The following CACNA1G variants were observed in gnomAD, a reference collection of about 807,000 sequenced individuals.
CACNA1G encodes the protein calcium voltage-gated channel subunit alpha1 G.
Under a neutral mutation model 219.4 loss-of-function variants are expected in CACNA1G, and 67 were observed. That is an observed-to-expected ratio of 0.31 (90% CI 0.25 to 0.37). CACNA1G has a LOEUF of 0.37. Ranked by LOEUF, CACNA1G falls within the 10% of genes least tolerant of loss-of-function variation. CACNA1G has a pLI of 1.00. For synonymous variants in CACNA1G, 1,296 were observed against 1,345.3 expected, an observed-to-expected ratio of 0.96 and a Z score of 0.80; for missense variants, 2,380 against 3,231.4, an observed-to-expected ratio of 0.74 and a Z score of 6.39.
Position 50,578,054 on chromosome 17 carries a change from T to C in CACNA1G, c.1925-134T>C, listed in dbSNP as rs539224118. 436 of 1,043,692 alleles carry C rather than the reference T, an allele frequency of 4.2e-4. 3 individuals carry two copies. The African/African-American group carries it at 6.6e-3, about 16-fold the overall frequency. 64.7% of individuals were successfully genotyped at this position (1,043,692 alleles called of 1,614,324 possible). ...CACCTTGCCTGACATTCAGCACCCC[T>C]GGCCCACTAAGTGCCTAGCACCCCA... is the stretch of plus-strand genomic sequence containing the variant. On this transcript the variant is annotated intron_variant, in intron 8 of 37. Transcript: ENST00000359106. This position sits in a 1 kb window ranked among gnomAD's most constrained non-coding sequence, Gnocchi z 4.5.
intron 9 of CACNA1G, among the ~76,000 whole-genome samples, chr17:50,586,653 G>A (rs1037594949): frequency 2.0e-5 from 3 of 150,582 alleles, no homozygotes; most frequent in Non-Finnish European, 3.0e-5. Context: ...CCAGGAGGTA[G>A]TGTTACCCTG....
At chr17:50,574,961 A>C (rs1030031195) in intron 7 of CACNA1G, among the ~76,000 whole-genome samples, 1 of 152,234 alleles carries the variant, frequency 6.6e-6, no homozygotes, top group African/African-American at 2.4e-5. Flanking sequence ...GGGACAGACA[A>C]GGCCAATGGT....
intron 26 of CACNA1G, among the ~76,000 whole-genome samples, chr17:50,611,268 AAAAG>A (rs1189548071): frequency 6.6e-6 from 1 of 151,476 alleles, no homozygotes; most frequent in African/African-American, 2.4e-5. Context: ...AAAAAAAAAA[AAAAG>A]AGAGAGAGAG....
At position 50,561,663 on chromosome 17, in the gene CACNA1G, C is replaced by T; in HGVS notation, c.204C>T (p.Ser68=). The change falls in exon 1 of 38, where the codon AGC becomes AGT. Residue 68 remains serine, a synonymous_variant. Coordinates refer to ENST00000359106, the MANE Select transcript of CACNA1G (RefSeq NM_018896.5). The part of the protein sequence containing the change: ...PVVFFYLSQD[S]RPRSWCLRTV... ...TTTTCTTCTACTTGAGCCAGGACAG[C>T]CGCCCGCGGAGCTGGTGTCTCCGCA... The T allele has an allele frequency of 1.2e-6, 2 of 1,606,062 alleles. No homozygotes were observed. Among genetic ancestry groups the T allele is most frequent in the South Asian group, 1.1e-5 (1 of 90,640 alleles).
At chr17:50,610,664 CTA>C (rs2049007121) in intron 26 of CACNA1G, among the ~76,000 whole-genome samples, 1 of 152,120 alleles carries the variant, frequency 6.6e-6, no homozygotes, top group Admixed American at 6.5e-5. Context: ...CCTCATAACA[CTA>C]TGTCTCCAGC....
chr17:50,617,759 G>T lies in CACNA1G; in HGVS notation c.5156-100G>T, dbSNP rs2050883675. On this transcript the variant is annotated intron_variant, in intron 29 of 37. Coordinates refer to ENST00000359106, the MANE Select transcript of CACNA1G (RefSeq NM_018896.5). This position sits in a 1 kb window ranked among gnomAD's most constrained non-coding sequence, Gnocchi z 5.8. ...GATGCAACCTGGCTGGCCCGGAGAT[G>T]GCCATCCCAGCAGCCCCAGCCCAGC... is the stretch of plus-strand genomic sequence containing the variant. 1 of 1,458,342 alleles carries T rather than the reference G, an allele frequency of 6.9e-7. No homozygotes were observed. The highest frequency in any genetic ancestry group is 1.4e-5 in the African/African-American group (1 of 72,090). The allele number at this position is 1,458,342 out of a possible 1,614,324, so 90.3% of individuals were successfully genotyped here.
chr17:50,625,502 C>T (rs2053534652), intron 37 of CACNA1G, among the ~76,000 whole-genome samples: 1 of 152,234 alleles, frequency 6.6e-6, no homozygotes, highest in Admixed American at 6.5e-5. Context: ...TCACAGCTGC[C>T]AGACACCTAT....
rs897205456 is a variant in CACNA1G at position 50,560,848 on chromosome 17, A to G, written c.-612A>G. Among the ~76,000 whole-genome samples the G allele has an allele frequency of 1.9e-4, 28 of 150,504 alleles. No individual in the cohort carries two copies. Among genetic ancestry groups the G allele is most frequent in the African/African-American group, 6.6e-4 (27 of 40,768 alleles). On this transcript the variant is annotated 5_prime_UTR_variant, in exon 1 of 38. Coordinates refer to ENST00000359106, the MANE Select transcript of CACNA1G (RefSeq NM_018896.5). ...CTGCGGCGGCGGCATCTCCGCCTCC[A>G]CTCCCGCCCGGGACTGCCCCCCACT...
chr17:50,575,704 G>A lies in CACNA1G; in HGVS notation c.1302G>A (p.Glu434=), dbSNP rs1307896820. 2.5e-6 allele frequency: 4 copies of A among 1,605,696 alleles called. No individual in the cohort carries two copies. Among genetic ancestry groups the A allele is most frequent in the Non-Finnish European group, 2.6e-6 (3 of 1,176,172 alleles). ...TCTCTGAGCCCGGCAGCTGCTATGAGGAGCTGCTCAAGTACCTGGTGTACA... is the reference window on the plus strand; with the variant it reads ...TCTCTGAGCCCGGCAGCTGCTATGAAGAGCTGCTCAAGTACCTGGTGTACA... ...ASFSEPGSCY[E]ELLKYLVYIL... Residue 434 remains glutamate (E), a synonymous_variant, in exon 8 of 38, where the codon GAG becomes GAA. Coordinates refer to ENST00000359106, the MANE Select transcript of CACNA1G (RefSeq NM_018896.5).
intron 1 of CACNA1G, among the ~76,000 whole-genome samples, chr17:50,568,123 C>T (rs1359787697): frequency 3.3e-5 from 5 of 152,094 alleles, no homozygotes; most frequent in South Asian, 2.1e-4. Flanking sequence ...GAGGGAGCCC[C>T]GGGCTCTGGT....
intron 36 of CACNA1G, 128 bp from the exon 37 acceptor site, chr17:50,624,232 G>C (rs574616194): frequency 8.8e-6 from 11 of 1,253,552 alleles, no homozygotes; most frequent in East Asian, 5.1e-5. Context: ...TTGAGTCCAG[G>C]GGGTAAGGGT....
At position 50,607,583 on chromosome 17, in the gene CACNA1G, T is replaced by TG. The variant is rs1409467635; in HGVS notation, c.4513-243dup. 5 of 505,724 alleles carry TG rather than the reference T, an allele frequency of 9.9e-6. No homozygotes were observed. In the Admixed American group the frequency reaches 1.7e-4, roughly 18 times the overall value. 31.3% of individuals were successfully genotyped at this position (505,724 alleles called of 1,614,324 possible). ...TCTGAAGATCTGGGAAGACTGGGCT[T>TG]GCATTCCCTCAAGGCAGGAGTCAGC... On this transcript the variant is annotated intron_variant, in intron 24 of 37. Transcript: ENST00000359106.
chr17:50,596,944 C>T lies in CACNA1G; in HGVS notation c.3258+21C>T. On this transcript the variant is annotated intron_variant, in intron 16 of 37. Coordinates refer to ENST00000359106, the MANE Select transcript of CACNA1G (RefSeq NM_018896.5). This position sits in a 1 kb window ranked among gnomAD's most constrained non-coding sequence, Gnocchi z 4.8. ...CACCGGTAGGGGGTGCATGTGGGTA[C>T]CCTGATGGTGGGAGATATTCCAAGG... The T allele has an allele frequency of 1.3e-6, 2 of 1,511,686 alleles. No individual in the cohort carries two copies. The highest frequency in any genetic ancestry group is 1.8e-6 in the Non-Finnish European group (2 of 1,127,604). 93.6% of individuals were successfully genotyped at this position (1,511,686 alleles called of 1,614,324 possible). A position where few individuals can be genotyped will look rare whatever the true frequency, so the allele number is the denominator to read the frequency against.
At chr17:50,624,336 T>TGCCAC in intron 36 of CACNA1G, 24 bp from the exon 37 acceptor site, 1 of 717,778 alleles carries the variant, frequency 1.4e-6, no homozygotes, top group Non-Finnish European at 2.0e-6. Context: ...CCCCCACCCC[T>TGCCAC]CCCCCGCTTC....
At position 50,626,314 on chromosome 17, in the gene CACNA1G, G is replaced by A. The variant is rs552357421; in HGVS notation, c.6697G>A (p.Gly2233Ser). 7 of 1,613,350 alleles carry A rather than the reference G, an allele frequency of 4.3e-6. No individual in the cohort carries two copies. The highest frequency in any genetic ancestry group is 2.7e-5 in the African/African-American group (2 of 75,028). The change falls in exon 38 of 38, where the codon GGC becomes AGC. Residue 2233 changes from glycine to serine, a missense_variant. Coordinates refer to ENST00000359106, the MANE Select transcript of CACNA1G (RefSeq NM_018896.5). The surrounding 1 kb of genome is among the most constrained non-coding windows in gnomAD (Gnocchi z 4.3). ...WISGDLLPPG[G>S]QEEPPSPRDL... is the part of the protein sequence containing the mutation. ...TTCAGGAGACCTCCTGCCCCCTGGCGGCCAGGAGGAGCCCCCATCCCCACG... is the reference window on the plus strand; with the variant it reads ...TTCAGGAGACCTCCTGCCCCCTGGCAGCCAGGAGGAGCCCCCATCCCCACG...
rs775210871 is a variant in CACNA1G, at chr17:50,596,751, C to T, written c.3086C>T (p.Pro1029Leu). The T allele has an allele frequency of 3.2e-5, 51 of 1,613,130 alleles. No homozygotes were observed. The highest frequency in any genetic ancestry group is 2.0e-4 in the East Asian group (9 of 44,872). Residue 1029 changes from proline to leucine, a missense_variant, in exon 16 of 38, where the codon CCG becomes CTG. By Grantham distance (98) the Pro-to-Leu change is moderately conservative. Transcript: ENST00000359106. The surrounding 1 kb of genome is among the most constrained non-coding windows in gnomAD (Gnocchi z 4.8). The part of the protein sequence containing the change: ...CLALVSLGEH[P>L]ELRKSLLPPL... ...GCAGTGGTGTCCCTGGGAGAGCACC[C>T]GGAGCTGCGGAAGAGCCTGCTGCCG...
chr17:50,618,598 A>G lies in CACNA1G; in HGVS notation c.5428-57A>G. 7.3e-7 allele frequency: 1 copy of G among 1,376,432 alleles called. No homozygotes were observed. Among genetic ancestry groups the G allele is most frequent in the Non-Finnish European group, 1.0e-6 (1 of 983,944 alleles). 85.3% of individuals were successfully genotyped at this position (1,376,432 alleles called of 1,614,324 possible). A position where few individuals can be genotyped will look rare whatever the true frequency, so the allele number is the denominator to read the frequency against. ...TGTGACACCAGTGACCTGATTTTCCACAACAGCTCCAACAACTGTCCTCCC... is the reference window on the plus strand; with the variant it reads ...TGTGACACCAGTGACCTGATTTTCCGCAACAGCTCCAACAACTGTCCTCCC... On this transcript the variant is annotated intron_variant, in intron 32 of 37. Transcript: ENST00000359106. This position sits in a 1 kb window ranked among gnomAD's most constrained non-coding sequence, Gnocchi z 5.3.
chr17:50,610,204 C>T (rs2048920846), intron 26 of CACNA1G, among the ~76,000 whole-genome samples: 1 of 152,234 alleles, frequency 6.6e-6, no homozygotes. Context: ...CTCCCCACCT[C>T]CTGCCACCTC....
chr17:50,623,811 C>A, intron 35 of CACNA1G, 96 bp from the exon 36 acceptor site: 3 of 1,309,596 alleles, frequency 2.3e-6, no homozygotes, highest in African/African-American at 1.5e-5. Context: ...GAGGGCTGGG[C>A]GGGGGGCGCT....
Sources: gnomAD v4.1 joint callset for allele counts (sites outside exome capture counted in the v4.1 genomes callset) on GRCh38, gnomAD v4.1.1 for gene constraint, Gnocchi (gnomAD v3.1) non-coding constraint, MANE v1.5 for transcripts, NCBI Gene and HGNC (gene_info 2026-07-23, HGNC 2026-07-21) for gene names.